FOCAD: variants seen among roughly 807,000 people sequenced by gnomAD.
The protein encoded by FOCAD is focadhesin.
In FOCAD, 198 loss-of-function variants were observed where a neutral mutation model predicts 225.6. That is an observed-to-expected ratio of 0.88 (90% CI 0.78 to 0.99). The LOEUF (loss-of-function observed/expected upper bound fraction) is 0.99, where lower values mean the gene tolerates loss of function less well. FOCAD is among the 50% of genes least tolerant of loss of function. The pLI is 0.00. For missense variants in FOCAD, 2,713 were observed against 2,123.6 expected (o/e 1.28, Z -5.46); for synonymous variants, 897 against 755.0 (o/e 1.19, Z -3.08).
At chr9:20,846,142 A>T (rs1285328101) in intron 15 of FOCAD, among the ~76,000 whole-genome samples, 3 of 152,012 alleles carry the variant, frequency 2.0e-5, no homozygotes, top group African/African-American at 7.2e-5. Context: ...TATGTTGGAG[A>T]GCACTTCCTC....
intron 21 of FOCAD, among the ~76,000 whole-genome samples, chr9:20,898,939 T>G (rs1298346313): frequency 6.6e-6 from 1 of 151,878 alleles, no homozygotes; most frequent in Non-Finnish European, 1.5e-5. Flanking sequence ...TCACAAGTGT[T>G]TCTCAGGATT....
Position 20,993,202 on chromosome 9 carries a change from T to G in FOCAD, c.5257-51T>G, listed in dbSNP as rs761900434. ...AGGTCCAAGGGAATAACTGTTCTTT[T>G]GCTGATGGTAGGATTCTCTTCTTTG... On this transcript the variant is annotated intron_variant, in intron 42 of 43. Coordinates refer to ENST00000338382, the MANE Select transcript of FOCAD (RefSeq NM_001375567.1). 16 of 1,456,134 alleles carry G rather than the reference T, an allele frequency of 1.1e-5. No individual in the cohort carries two copies. The African/African-American group carries it at 2.2e-4, about 20-fold the overall frequency. 90.2% of individuals were successfully genotyped at this position (1,456,134 alleles called of 1,614,324 possible). A position where few individuals can be genotyped will look rare whatever the true frequency, so the allele number is the denominator to read the frequency against.
upstream of FOCAD, chr9:20,683,561 A>G (rs1006486042): frequency 6.6e-6 from 1 of 152,134 alleles, no homozygotes; most frequent in Non-Finnish European, 1.5e-5. Flanking sequence ...CCCACGAGAA[A>G]ATACATGTTT....
intron 1 of FOCAD, chr9:20,658,475 T>G (rs965681577): frequency 6.4e-6 from 1 of 156,180 alleles, no homozygotes; most frequent in African/African-American, 2.4e-5. Flanking sequence ...GAATATAATC[T>G]CGTGGTGCGC....
chr9:20,914,291 A>G (rs959511109), intron 23 of FOCAD, among the ~76,000 whole-genome samples: 3 of 152,198 alleles, frequency 2.0e-5, no homozygotes, highest in African/African-American at 7.2e-5. Flanking sequence ...ACAGAGGAAC[A>G]GCAGTGAATA....
chr9:20,662,983 G>T (rs1821779747), intron 2 of FOCAD, among the ~76,000 whole-genome samples: 1 of 152,120 alleles, frequency 6.6e-6, no homozygotes, highest in Admixed American at 6.5e-5. Context: ...ACCTTTTAAA[G>T]TTACAGTTTT....
At chr9:20,945,697 T>C (rs1488189347) in intron 29 of FOCAD, among the ~76,000 whole-genome samples, 2 of 152,222 alleles carry the variant, frequency 1.3e-5, no homozygotes, top group African/African-American at 4.8e-5. Context: ...AAATTAATTA[T>C]AAATGAAAGC....
chr9:20,801,395 T>C (rs1470147269), intron 11 of FOCAD, among the ~76,000 whole-genome samples: 5 of 152,178 alleles, frequency 3.3e-5, no homozygotes, highest in Non-Finnish European at 7.3e-5. Flanking sequence ...TAATTAGGGC[T>C]GGTCTCGAAA....
chr9:20,809,006 C>G (rs1668455030), intron 11 of FOCAD, among the ~76,000 whole-genome samples: 1 of 152,118 alleles, frequency 6.6e-6, no homozygotes, highest in South Asian at 2.1e-4. Context: ...AAAATGTATA[C>G]ACAGAAATGT....
intron 35 of FOCAD, among the ~76,000 whole-genome samples, chr9:20,954,861 C>T (rs376827160): frequency 7.9e-5 from 12 of 152,082 alleles, no homozygotes; most frequent in Non-Finnish European, 1.5e-5. Context: ...GAGTGGGGGC[C>T]GTGGGAGGCT....
chr9:20,982,802 C>T lies in FOCAD; in HGVS notation c.4728+356C>T, dbSNP rs150602553. Reference sequence around the variant, plus strand: ...TTCCCACACCCATGCCCAAGTCAAACGATGAATGAGCAAAAAGTAGCATAT... The same window carrying T: ...TTCCCACACCCATGCCCAAGTCAAATGATGAATGAGCAAAAAGTAGCATAT... On this transcript the variant is annotated intron_variant, in intron 39 of 43. Transcript: ENST00000338382. Among the ~76,000 whole-genome samples, 91 of 152,252 alleles carry T rather than the reference C, an allele frequency of 6.0e-4. 1 individual carries two copies. The highest frequency in any genetic ancestry group is 3.4e-3 in the Middle Eastern group (1 of 294).
chr9:20,739,878 T>C (rs943766832), intron 4 of FOCAD, among the ~76,000 whole-genome samples: 1 of 152,172 alleles, frequency 6.6e-6, no homozygotes, highest in Non-Finnish European at 1.5e-5. Context: ...TTGGTTATTT[T>C]TCATAGTCTG....
At chr9:20,941,127 G>T (rs922756308) in intron 28 of FOCAD, among the ~76,000 whole-genome samples, 2 of 152,220 alleles carry the variant, frequency 1.3e-5, no homozygotes, top group Middle Eastern at 3.4e-3. Context: ...TAGTAGATGC[G>T]GGAGTGTACT....
chr9:20,783,656 T>A (rs574765139), intron 10 of FOCAD, among the ~76,000 whole-genome samples: 8 of 151,910 alleles, frequency 5.3e-5, no homozygotes, highest in South Asian at 4.2e-4. Context: ...TCTTGGCTAT[T>A]AAATGTGATA....
chr9:20,800,381 T>G (rs1435180041), intron 11 of FOCAD, among the ~76,000 whole-genome samples: 2 of 152,084 alleles, frequency 1.3e-5, no homozygotes, highest in Admixed American at 6.5e-5. Flanking sequence ...TTTCCTGAAT[T>G]TGAATGTTGG....
At chr9:20,692,537 G>C (rs1823035581) in intron 1 of FOCAD, among the ~76,000 whole-genome samples, 1 of 152,160 alleles carries the variant, frequency 6.6e-6, no homozygotes, top group African/African-American at 2.4e-5. Flanking sequence ...TGATTCTGTG[G>C]TTGGCAGCTT....
Position 20,986,459 on chromosome 9 carries a change from A to G in FOCAD, c.4900A>G (p.Asn1634Asp), listed in dbSNP as rs759736911. 1.2e-6 allele frequency: 2 copies of G among 1,608,236 alleles called. No homozygotes were observed. The highest frequency in any genetic ancestry group is 3.4e-5 in the Admixed American group (2 of 58,926). The change falls in exon 40 of 44, where the codon AAT becomes GAT. Residue 1634 changes from asparagine (N) to aspartate (D), a missense_variant. Asn to Asp is a conservative substitution (Grantham distance 23). Coordinates refer to ENST00000338382, the MANE Select transcript of FOCAD (RefSeq NM_001375567.1). ...LYQARIVSHANTGVLKRMEWL... is the reference protein window; with the variant it reads ...LYQARIVSHADTGVLKRMEWL... ...CCAGGCACGGATTGTGAGCCATGCC[A>G]ATACGGGTGAGGACACCCTGGGGTG...
chr9:20,878,719 G>A (rs1436097540), intron 19 of FOCAD, among the ~76,000 whole-genome samples: 5 of 152,194 alleles, frequency 3.3e-5, no homozygotes, highest in Non-Finnish European at 7.3e-5. Flanking sequence ...CATGATTACA[G>A]TAGCTAAGTT....
intron 11 of FOCAD, among the ~76,000 whole-genome samples, chr9:20,809,983 C>A (rs1822878085): frequency 6.6e-6 from 1 of 152,082 alleles, no homozygotes. Context: ...GTTTGGGGGT[C>A]CCAAAGATGA....
Sources: gnomAD v4.1 joint callset for allele counts (sites outside exome capture counted in the v4.1 genomes callset) on GRCh38, gnomAD v4.1.1 for gene constraint, MANE v1.5 for transcripts, NCBI Gene and HGNC (gene_info 2026-07-23, HGNC 2026-07-21) for gene names.